Variants in RHOT1 observed in about 807,000 individuals in gnomAD.
The protein encoded by RHOT1 is ras homolog family member T1, also known as mitochondrial Rho GTPase 1.
In RHOT1, 27 loss-of-function variants were observed where a neutral mutation model predicts 95.3. The observed-to-expected ratio is 0.28, with a 90% confidence interval of 0.21 to 0.39. The LOEUF is 0.39. Ranked by LOEUF, RHOT1 falls within the 10% of genes least tolerant of loss-of-function variation. The pLI is 1.00. For missense variants in RHOT1, 578 were observed against 786.7 expected (o/e 0.73, Z 3.17); for synonymous variants, 227 against 263.5 (o/e 0.86, Z 1.34).
Position 32,173,925 on chromosome 17 carries a change from C to G in RHOT1, c.178+13C>G, listed in dbSNP as rs1567676814. The G allele has an allele frequency of 6.5e-7, 1 of 1,536,698 alleles. No homozygotes were observed. The highest frequency in any genetic ancestry group is 9.0e-7 in the Non-Finnish European group (1 of 1,115,862). On this transcript the variant is annotated intron_variant, in intron 3 of 19. Coordinates refer to ENST00000545287, the MANE Select transcript of RHOT1 (RefSeq NM_001033566.3). ...GTAGATTACTCAGGTAATGAATATC[C>G]TCTTGTAGATGAAGGTGTAGGTTAA...
chr17:32,194,542 C>T (rs866151447), intron 11 of RHOT1, among the ~76,000 whole-genome samples: 15 of 152,176 alleles, frequency 9.9e-5, no homozygotes, highest in African/African-American at 3.1e-4. Flanking sequence ...CGAATGTACC[C>T]TCTGAAGTGA....
intron 1 of RHOT1, among the ~76,000 whole-genome samples, chr17:32,147,787 C>G (rs921537567): frequency 6.6e-6 from 1 of 150,880 alleles, no homozygotes; most frequent in African/African-American, 2.4e-5. Context: ...GCACTGCACT[C>G]CAGCCTGGGC....
chr17:32,151,570 C>G (rs558871709), intron 1 of RHOT1: 1 of 365,704 alleles, frequency 2.7e-6, no homozygotes, highest in South Asian at 3.4e-5. Flanking sequence ...GTGTCTCTCT[C>G]TCAATGAACT....
At chr17:32,169,875 G>A (rs1432309493) in intron 1 of RHOT1, among the ~76,000 whole-genome samples, 2 of 151,964 alleles carry the variant, frequency 1.3e-5, no homozygotes, top group African/African-American at 2.4e-5. Flanking sequence ...TGGTTGTAGT[G>A]GCATCTGCCT....
intron 1 of RHOT1, among the ~76,000 whole-genome samples, chr17:32,163,134 A>C (rs2033716338): frequency 6.6e-6 from 1 of 152,244 alleles, no homozygotes; most frequent in Admixed American, 6.5e-5. Flanking sequence ...ATTGAGAGTC[A>C]AAGAAAGCGT....
chr17:32,208,672 A>AT (rs1193862944), intron 18 of RHOT1: 2 of 170,426 alleles, frequency 1.2e-5, no homozygotes, highest in Non-Finnish European at 2.5e-5. Flanking sequence ...GAAAGTTTAT[A>AT]TTTTTCTGTT....
intron 1 of RHOT1, among the ~76,000 whole-genome samples, chr17:32,155,607 A>G (rs1185605442): frequency 3.3e-5 from 5 of 151,322 alleles, no homozygotes; most frequent in African/African-American, 9.7e-5. Flanking sequence ...CAGTGGCTCA[A>G]TCATGGCTCA....
At chr17:32,149,716 CATATATATACACAT>C (rs1240818052) in intron 1 of RHOT1, among the ~76,000 whole-genome samples, 2 of 143,502 alleles carry the variant, frequency 1.4e-5, no homozygotes, top group African/African-American at 5.4e-5. Context: ...CACACATACA[CATATATATACACAT>C]ATATATACAC....
intron 1 of RHOT1, chr17:32,151,015 C>T: frequency 6.7e-7 from 1 of 1,493,746 alleles, no homozygotes; most frequent in African/African-American, 1.4e-5. Flanking sequence ...TAAACCAAAC[C>T]TGGGAGTGGG....
chr17:32,215,442 G>C (rs941374719), intron 19 of RHOT1, among the ~76,000 whole-genome samples: 1 of 152,088 alleles, frequency 6.6e-6, no homozygotes. Flanking sequence ...GCTTTAAATA[G>C]GAACCTGCTG....
At position 32,206,914 on chromosome 17, in the gene RHOT1, A is replaced by G. The variant is rs773509558; in HGVS notation, c.1421A>G (p.His474Arg). The G allele has an allele frequency of 1.3e-6, 2 of 1,577,284 alleles. No homozygotes were observed. Among genetic ancestry groups the G allele is most frequent in the Non-Finnish European group, 1.7e-6 (2 of 1,150,104 alleles). Residue 474 changes from histidine to arginine, a missense_variant, in exon 17 of 20, where the codon CAT becomes CGT. By Grantham distance (29) the His-to-Arg change is conservative (BLOSUM62 0). Transcript: ENST00000545287. ...ATTATCTTTTTCTTTTACAAGTTGC[A>G]TGATATCTCAGAATCGGAATTTCTA... ...VYGQEKYLLL[H>R]DISESEFLTE...
intron 1 of RHOT1, among the ~76,000 whole-genome samples, chr17:32,159,015 C>G (rs1432831998): frequency 6.6e-6 from 1 of 152,162 alleles, no homozygotes; most frequent in Non-Finnish European, 1.5e-5. Flanking sequence ...CTGAGTGCAT[C>G]ACTCCTACCT....
intron 8 of RHOT1, among the ~76,000 whole-genome samples, chr17:32,186,033 C>A (rs920783796): frequency 4.6e-5 from 7 of 152,068 alleles, no homozygotes; most frequent in Admixed American, 2.0e-4. Context: ...GTTTTAAATT[C>A]TTTTGAGTAC....
In RHOT1 at chr17:32,153,613, C is replaced by G. The variant is rs1050226754; in HGVS notation, c.37+10884C>G. ...GTTCAAAGCTGCAGTGAGCTATGAT[C>G]ATGCCACTGTACTCTTGCCTGGGCA... is the stretch of plus-strand genomic sequence containing the variant. On this transcript the variant is annotated intron_variant, in intron 1 of 19. Transcript: ENST00000545287. Among the ~76,000 whole-genome samples the G allele has an allele frequency of 5.9e-5, 9 of 152,196 alleles. No individual in the cohort carries two copies. The East Asian group carries it at 1.7e-3, about 29-fold the overall frequency.
intron 6 of RHOT1, among the ~76,000 whole-genome samples, chr17:32,180,932 G>A (rs115117254): frequency 0.015 from 2,305 of 152,272 alleles, 62 homozygotes; most frequent in African/African-American, 0.053. Context: ...CAGTCCTTCC[G>A]CCTTGGCCTC....
chr17:32,196,163 A>G (rs2036870463), intron 11 of RHOT1, among the ~76,000 whole-genome samples: 2 of 151,362 alleles, frequency 1.3e-5, no homozygotes, highest in African/African-American at 2.4e-5. Context: ...AAGACACAGG[A>G]TAAAACCCAA....
At chr17:32,176,659 G>A (rs975716057) in intron 6 of RHOT1, among the ~76,000 whole-genome samples, 4 of 151,726 alleles carry the variant, frequency 2.6e-5, no homozygotes, top group African/African-American at 7.3e-5. Flanking sequence ...TGCAGCCTCC[G>A]CCTCCTGGAT....
intron 15 of RHOT1, 70 bp downstream of exon 15, chr17:32,202,970 A>G (rs947289151): frequency 1.5e-4 from 224 of 1,487,916 alleles, no homozygotes; most frequent in Non-Finnish European, 1.8e-4. Context: ...TAATGTTTTC[A>G]TAGCCATTGA....
Position 32,175,978 on chromosome 17 carries a change from T to C in RHOT1, c.239T>C (p.Ile80Thr). 1 of 1,596,868 alleles carries C rather than the reference T, an allele frequency of 6.3e-7. No individual in the cohort carries two copies. The highest frequency in any genetic ancestry group is 8.5e-7 in the Non-Finnish European group (1 of 1,174,144). ...TTCTTCTAGGCTAATGTCATCTGTATAGTGTATGCCGTTAACAACAAGCAT... is the reference window on the plus strand; with the variant it reads ...TTCTTCTAGGCTAATGTCATCTGTACAGTGTATGCCGTTAACAACAAGCAT... The part of the protein sequence containing the change: ...QEISQANVIC[I>T]VYAVNNKHSI... Residue 80 changes from isoleucine (I) to threonine (T), a missense_variant, in exon 5 of 20, where the codon ATA becomes ACA. By Grantham distance (89) the Ile-to-Thr change is moderately conservative. Coordinates refer to ENST00000545287, the MANE Select transcript of RHOT1 (RefSeq NM_001033566.3).
Sources: gnomAD v4.1 joint callset for allele counts (sites outside exome capture counted in the v4.1 genomes callset) on GRCh38, gnomAD v4.1.1 for gene constraint, MANE v1.5 for transcripts, NCBI Gene and HGNC (gene_info 2026-07-23, HGNC 2026-07-21) for gene names.